The following GLB1 variants were observed in gnomAD, a reference collection of about 807,000 sequenced individuals.
The protein encoded by GLB1 is galactosidase beta 1, also known as beta-galactosidase.
In GLB1, 56 loss-of-function variants were observed where a neutral mutation model predicts 74.0. The observed-to-expected ratio is 0.76, with a 90% CI of 0.61 to 0.94. The LOEUF (loss-of-function observed/expected upper bound fraction) is 0.94, where lower values mean the gene tolerates loss of function less well. Among genes scored for constraint, GLB1 ranks in the 40% least tolerant of loss-of-function variants. GLB1 has a pLI of 0.00. For missense variants in GLB1, 787 were observed against 845.5 expected, an observed-to-expected ratio of 0.93 and a Z score of 0.86; for synonymous variants, 323 against 323.6, an observed-to-expected ratio of 1.00 and a Z score of 0.02.
chr3:33,024,397 T>G (rs2125479279), intron 10 of GLB1, 72 bp from the exon 11 acceptor site: 1 of 1,493,566 alleles, frequency 6.7e-7, no homozygotes, highest in Non-Finnish European at 9.0e-7. Context: ...TTCATAAAAT[T>G]TATTATTTGA....
chr3:33,051,961 TG>T lies in GLB1; in HGVS notation c.835del (p.Gln279AsnfsTer25). ...FYTGWLDHWG[Q>X]PHSTIKTEAV... Reference sequence around the variant, plus strand: ...TTCGGTCTTGATTGTGGAGTGAGGTTGGCCCCAGTGATCTAGCCAGCCAGTA... The same window carrying T: ...TTCGGTCTTGATTGTGGAGTGAGGTTGCCCCAGTGATCTAGCCAGCCAGTA... On this transcript the variant is annotated frameshift_variant, in exon 8 of 16. Coordinates refer to ENST00000307363, the MANE Select transcript of GLB1 (RefSeq NM_000404.4). LOFTEE classifies it high-confidence loss of function. The T allele has an allele frequency of 6.2e-7, 1 of 1,614,234 alleles. No homozygotes were observed. Among genetic ancestry groups the T allele is most frequent in the South Asian group, 1.1e-5 (1 of 91,088 alleles).
chr3:33,051,475 G>A (rs1181028686), intron 9 of GLB1, among the ~76,000 whole-genome samples: 2 of 150,984 alleles, frequency 1.3e-5, no homozygotes, highest in Non-Finnish European at 1.5e-5. Flanking sequence ...GTGCATGCCT[G>A]TAATCCCATA....
chr3:33,053,704 T>A (rs1331467851), intron 6 of GLB1, among the ~76,000 whole-genome samples, 155 bp from the exon 7 acceptor site: 1 of 152,160 alleles, frequency 6.6e-6, no homozygotes, highest in African/African-American at 2.4e-5. Context: ...ACACCCAAGA[T>A]GATAGTATTA....
intron 1 of GLB1, among the ~76,000 whole-genome samples, chr3:33,084,812 T>C (rs1700445510): frequency 6.6e-6 from 1 of 152,176 alleles, no homozygotes; most frequent in Non-Finnish European, 1.5e-5. Flanking sequence ...GGCCTAAGGA[T>C]AAAAATACAG....
chr3:33,094,601 C>T (rs115852382), intron 1 of GLB1, among the ~76,000 whole-genome samples: 47 of 152,278 alleles, frequency 3.1e-4, no homozygotes, highest in African/African-American at 1.1e-3. Flanking sequence ...CTGGAGAGAG[C>T]CCTTCAGGGG....
rs1559397137 is a variant in GLB1, at chr3:33,043,785, A to AAAAATACCAAGCAAAAGATACCTCAG, written c.1068+2334_1068+2335insCTGAGGTATCTTTTGCTTGGTATTTT. The stretch of plus-strand genomic sequence containing the variant: ...TACAGCATTGGGAAAGATACCTCAG[A>AAAAATACCAAGCAAAAGATACCTCAG]AAAATACCAAGCAAAAGTATGCAGG... On this transcript the variant is annotated intron_variant, in intron 10 of 15. Transcript: ENST00000307363. 4.5e-5 allele frequency among the ~76,000 whole-genome samples: 6 copies of AAAAATACCAAGCAAAAGATACCTCAG among 132,418 alleles called. 2 individuals carry two copies. The highest frequency in any genetic ancestry group is 8.6e-5 in the Non-Finnish European group (5 of 57,886). 86.9% of individuals were successfully genotyped at this position (132,418 alleles called of 152,430 possible). A position where few individuals can be genotyped will look rare whatever the true frequency, so the allele number is the denominator to read the frequency against.
At chr3:33,090,125 CTATTAGATG>C (rs1700685833) in intron 1 of GLB1, among the ~76,000 whole-genome samples, 1 of 152,148 alleles carries the variant, frequency 6.6e-6, no homozygotes, top group South Asian at 2.1e-4. Context: ...TCCTAACTAG[CTATTAGATG>C]ATATTCAAGA....
intron 1 of GLB1, among the ~76,000 whole-genome samples, chr3:33,074,389 G>GAAGGAAGGAAGAAAGAAAGA (rs1553612831): frequency 1.0e-4 from 4 of 38,908 alleles, no homozygotes; most frequent in African/African-American, 4.2e-4. Flanking sequence ...AGGAAGGAAG[G>GAAGGAAGGAAGAAAGAAAGA]AAGAAAGAAA....
chr3:33,067,579 C>G (rs1470521668), intron 4 of GLB1, among the ~76,000 whole-genome samples: 1 of 152,200 alleles, frequency 6.6e-6, no homozygotes, highest in Non-Finnish European at 1.5e-5. Flanking sequence ...CCATGCCTGA[C>G]TTGTCATTTT....
At chr3:33,034,671 T>C in intron 10 of GLB1, 1 of 730,028 alleles carries the variant, frequency 1.4e-6, no homozygotes, top group Non-Finnish European at 2.6e-6. Context: ...GCCAACATAT[T>C]GGCCATCTCT....
At chr3:33,062,007 C>G (rs1472674692) in intron 5 of GLB1, among the ~76,000 whole-genome samples, 1 of 152,164 alleles carries the variant, frequency 6.6e-6, no homozygotes, top group East Asian at 1.9e-4. Flanking sequence ...GCCTTCTGGT[C>G]TGACTCATTT....
intron 1 of GLB1, chr3:33,077,097 C>T (rs1188561082): frequency 1.4e-6 from 2 of 1,401,296 alleles, no homozygotes; most frequent in East Asian, 3.4e-5. Context: ...CCCTCACCCA[C>T]TGCTGCCGCC....
intron 1 of GLB1, chr3:33,090,655 G>A: frequency 2.0e-6 from 2 of 985,396 alleles, no homozygotes; most frequent in Non-Finnish European, 2.4e-6. Context: ...TTGAACAAAG[G>A]GACTAAAGGT....
At chr3:33,075,392 C>T (rs1700069908) in intron 1 of GLB1, among the ~76,000 whole-genome samples, 1 of 152,218 alleles carries the variant, frequency 6.6e-6, no homozygotes, top group African/African-American at 2.4e-5. Context: ...ACAATGGAAT[C>T]TGGCCTTTGT....
intron 10 of GLB1, among the ~76,000 whole-genome samples, chr3:33,040,837 A>G (rs1698469583): frequency 6.6e-6 from 1 of 152,244 alleles, no homozygotes; most frequent in African/African-American, 2.4e-5. Flanking sequence ...TGTATACATA[A>G]GGAAAAAGCA....
the GLB1 span, among the ~76,000 whole-genome samples, chr3:32,988,499 T>A: frequency 6.6e-6 from 1 of 152,310 alleles, no homozygotes; most frequent in East Asian, 1.9e-4. Context: ...GTTGGTTGCT[T>A]TCAAAAGCAT....
intron 10 of GLB1, among the ~76,000 whole-genome samples, chr3:33,036,312 G>T (rs1216190975): frequency 6.6e-6 from 1 of 152,180 alleles, no homozygotes; most frequent in Non-Finnish European, 1.5e-5. Flanking sequence ...AGGGATAGGG[G>T]ATGGCAGGAA....
chr3:33,073,289 C>T (rs1194045483), intron 1 of GLB1, among the ~76,000 whole-genome samples: 2 of 152,098 alleles, frequency 1.3e-5, no homozygotes, highest in Admixed American at 6.6e-5. Flanking sequence ...GGGTATTAGA[C>T]TAAAAGAACT....
At chr3:33,030,533 C>A in intron 10 of GLB1, 1 of 985,422 alleles carries the variant, frequency 1.0e-6, no homozygotes, top group Non-Finnish European at 1.2e-6. Flanking sequence ...GCTGTGTCTG[C>A]GTATCAAGCC....
Sources: allele counts gnomAD v4.1 joint callset (sites outside exome capture counted in the v4.1 genomes callset), GRCh38; gene constraint gnomAD v4.1.1; transcripts MANE v1.5; gene names NCBI Gene and HGNC (gene_info 2026-07-23, HGNC 2026-07-21).